VCPIP1: variants seen among roughly 807,000 people sequenced by gnomAD.
The protein encoded by VCPIP1 is deubiquitinating protein VCPIP1.
A neutral mutation model predicts 85.0 loss-of-function variants in VCPIP1; 8 were observed. That is an observed-to-expected ratio of 0.09 (90% CI 0.06 to 0.17). The LOEUF is 0.17. Ranked by LOEUF, VCPIP1 falls within the 10% of genes least tolerant of loss-of-function variation. The pLI is 1.00. For synonymous variants in VCPIP1, 543 were observed against 544.5 expected, an observed-to-expected ratio of 1.00 and a Z score of 0.04; for missense variants, 1,070 against 1,486.3, an observed-to-expected ratio of 0.72 and a Z score of 4.61.
intron 2 of VCPIP1, among the ~76,000 whole-genome samples, chr8:66,638,964 C>CTATATATATA (rs765356671): frequency 7.5e-6 from 1 of 132,560 alleles, no homozygotes; most frequent in African/African-American, 3.4e-5. Context: ...CTCTCTCTCT[C>CTATATATATA]TCTCTCTATA....
At position 66,665,458 on chromosome 8, in the gene VCPIP1, G is replaced by C. The variant is rs750340392; in HGVS notation, c.1501C>G (p.Gln501Glu). 1 of 1,614,242 alleles carries C rather than the reference G, an allele frequency of 6.2e-7. No individual in the cohort carries two copies. Among genetic ancestry groups the C allele is most frequent in the Admixed American group, 1.7e-5 (1 of 60,028 alleles). The change falls in exon 1 of 3, where the codon CAG becomes GAG. Residue 501 changes from glutamine to glutamate, a missense_variant. By Grantham distance (29) the Gln-to-Glu change is conservative. Coordinates refer to ENST00000310421, the MANE Select transcript of VCPIP1 (RefSeq NM_025054.5). The surrounding 1 kb of genome is among the most constrained non-coding windows in gnomAD (Gnocchi z 4.3). ...CTGTAATTTTTGTCAGTCCTCAGCT[G>C]TCCATGAGTACTTTTTGCCAGGTTA... is the stretch of plus-strand genomic sequence containing the variant. Reference protein sequence around the residue: ...LYNLAKSTHGQLRTDKNYSFP... With the variant: ...LYNLAKSTHGELRTDKNYSFP...
At chr8:66,649,147 G>T (rs922000777) in intron 2 of VCPIP1, among the ~76,000 whole-genome samples, 2 of 152,006 alleles carry the variant, frequency 1.3e-5, no homozygotes, top group Non-Finnish European at 2.9e-5. Context: ...TCCAGCCTGG[G>T]CAACAGAGCA....
intron 1 of VCPIP1, chr8:66,653,724 AGT>A (rs1490452616): frequency 6.6e-6 from 1 of 152,216 alleles, no homozygotes; most frequent in Non-Finnish European, 1.5e-5. Context: ...ACTCTACTGC[AGT>A]GTTTGTCAAC....
At chr8:66,659,194 A>G (rs894245493) in intron 1 of VCPIP1, among the ~76,000 whole-genome samples, 8 of 148,932 alleles carry the variant, frequency 5.4e-5, no homozygotes, top group African/African-American at 2.1e-4. Context: ...ACTGATCTAC[A>G]AGAAATTTTT....
In VCPIP1 at chr8:66,632,035, T is replaced by A. The variant is rs1438200387; in HGVS notation, c.*2466A>T. 1 of 149,348 alleles carries A rather than the reference T, an allele frequency of 6.7e-6. No homozygotes were observed. Among genetic ancestry groups the A allele is most frequent in the Non-Finnish European group, 1.5e-5 (1 of 67,386 alleles). The allele number at this position is 149,348 out of a possible 1,614,324, so 9.3% of individuals were successfully genotyped here. A position where few individuals can be genotyped will look rare whatever the true frequency, so the allele number is the denominator to read the frequency against. On this transcript the variant is annotated 3_prime_UTR_variant, in exon 3 of 3. Transcript: ENST00000310421. ...AGCACTGCAAACAGAATTGCAGGAA[T>A]GCATTTTAGTTATAATGTTACCTCT... is the stretch of plus-strand genomic sequence containing the variant.
intron 1 of VCPIP1, among the ~76,000 whole-genome samples, chr8:66,655,466 A>G (rs1586627746): frequency 6.6e-6 from 1 of 152,232 alleles, no homozygotes; most frequent in Non-Finnish European, 1.5e-5. Context: ...CTAAGAACCC[A>G]TAACTGTATT....
At chr8:66,640,647 C>T (rs1222031954) in intron 2 of VCPIP1, among the ~76,000 whole-genome samples, 3 of 152,080 alleles carry the variant, frequency 2.0e-5, no homozygotes, top group South Asian at 2.1e-4. Flanking sequence ...TGGCAGAGAA[C>T]GAGAGAAGAG....
Position 66,665,843 on chromosome 8 carries a change from A to G in VCPIP1, c.1116T>C (p.Asn372=). 6.2e-7 allele frequency: 1 copy of G among 1,614,190 alleles called. No individual in the cohort carries two copies. Among genetic ancestry groups the G allele is most frequent in the South Asian group, 1.1e-5 (1 of 91,086 alleles). ...KGAALPKLPM[N]LLPKAWGVPQ... ...GCACACCCCATGCTTTAGGAAGCAAATTCATAGGCAGTTTGGGCAAAGCAG... is the reference window on the plus strand; with the variant it reads ...GCACACCCCATGCTTTAGGAAGCAAGTTCATAGGCAGTTTGGGCAAAGCAG... The change falls in exon 1 of 3, where the codon AAT becomes AAC. Residue 372 remains asparagine, a synonymous_variant. Transcript: ENST00000310421. This position sits in a 1 kb window ranked among gnomAD's most constrained non-coding sequence, Gnocchi z 4.3.
chr8:66,651,640 A>G (rs949630296), intron 1 of VCPIP1, 96 bp from the exon 2 acceptor site: 4 of 922,088 alleles, frequency 4.3e-6, no homozygotes, highest in African/African-American at 3.3e-5. Flanking sequence ...ACATCAAGGC[A>G]GAGCTCCTAA....
At position 66,634,986 on chromosome 8, in the gene VCPIP1, T is replaced by C. The variant is rs1386368340; in HGVS notation, c.3184A>G (p.Asn1062Asp). 6.2e-7 allele frequency: 1 copy of C among 1,613,558 alleles called. No individual in the cohort carries two copies. Among genetic ancestry groups the C allele is most frequent in the Non-Finnish European group, 8.5e-7 (1 of 1,179,514 alleles). ...RKHNTGTDFS[N>D]SSTKTEPSVF... ...GAAGGCTCTGTTTTAGTGGAACTAT[T>C]ACTAAAGTCTGTCCCTGTATTATGC... Residue 1062 changes from asparagine (N) to aspartate (D), a missense_variant, in exon 3 of 3, where the codon AAT becomes GAT. Physicochemically the swap from Asn to Asp is conservative, Grantham distance 23. Around this residue, in one of 8 missense-constraint regions of VCPIP1, gnomAD observed 255 missense variants for 289.5 expected, o/e 0.88. Transcript: ENST00000310421.
intron 2 of VCPIP1, among the ~76,000 whole-genome samples, chr8:66,648,404 T>TATCTA (rs199836576): frequency 6.6e-6 from 1 of 152,188 alleles, no homozygotes; most frequent in Non-Finnish European, 1.5e-5. Context: ...TCTGTCTATC[T>TATCTA]ATCTAATCTA....
At chr8:66,640,522 G>A (rs1050980807) in intron 2 of VCPIP1, among the ~76,000 whole-genome samples, 4 of 152,174 alleles carry the variant, frequency 2.6e-5, no homozygotes, top group East Asian at 1.9e-4. Flanking sequence ...CTGGACCCGC[G>A]GCCCAAAGTG....
At chr8:66,660,392 G>A (rs892969942) in intron 1 of VCPIP1, among the ~76,000 whole-genome samples, 1 of 152,162 alleles carries the variant, frequency 6.6e-6, no homozygotes, top group Non-Finnish European at 1.5e-5. Context: ...GATAGATGCC[G>A]TGAGGGACAT....
chr8:66,641,151 T>C (rs1211510980), intron 2 of VCPIP1, among the ~76,000 whole-genome samples: 1 of 152,166 alleles, frequency 6.6e-6, no homozygotes, highest in Admixed American at 6.5e-5. Flanking sequence ...GCCTGTCCCA[T>C]GAAGGGTTGA....
At position 66,630,033 on chromosome 8, in the gene VCPIP1, T is replaced by G. The variant is rs1233433381; in HGVS notation, c.*4468A>C. 1 of 152,140 alleles carries G rather than the reference T, an allele frequency of 6.6e-6. No individual in the cohort carries two copies. The highest frequency in any genetic ancestry group is 1.5e-5 in the Non-Finnish European group (1 of 68,006). The allele number at this position is 152,140 out of a possible 1,614,324, so 9.4% of individuals were successfully genotyped here. ...TTCATGCATTATAATTCCAGGAAAC[T>G]AAAGAACATAAAATTACCTTTAAAA... On this transcript the variant is annotated 3_prime_UTR_variant, in exon 3 of 3. Transcript: ENST00000310421.
intron 2 of VCPIP1, among the ~76,000 whole-genome samples, chr8:66,637,850 T>C (rs1277866241): frequency 6.6e-6 from 1 of 151,992 alleles, no homozygotes; most frequent in Non-Finnish European, 1.5e-5. Flanking sequence ...CAGGCACCTA[T>C]AGTCCCAGCT....
rs1810805738 is a variant in VCPIP1, at chr8:66,628,830, C to T, written c.*5671G>A. ...CAAGTAAGACTATGACGACAATGGT[C>T]GGCAGAACAAAAGGTTGACAATTGT... On this transcript the variant is annotated 3_prime_UTR_variant, in exon 3 of 3. Transcript: ENST00000310421. The T allele has an allele frequency of 6.6e-6, 1 of 152,088 alleles. No individual in the cohort carries two copies. Among genetic ancestry groups the T allele is most frequent in the South Asian group, 2.1e-4 (1 of 4,830 alleles). The allele number at this position is 152,088 out of a possible 1,614,324, so 9.4% of individuals were successfully genotyped here. A position where few individuals can be genotyped will look rare whatever the true frequency, so the allele number is the denominator to read the frequency against.
intron 2 of VCPIP1, among the ~76,000 whole-genome samples, chr8:66,641,021 C>T (rs1423897859): frequency 6.6e-5 from 10 of 152,234 alleles, no homozygotes; most frequent in Admixed American, 6.5e-4. Flanking sequence ...CACATGCCCT[C>T]TGGGGCCCTG....
In VCPIP1 at chr8:66,665,702, T is replaced by C; in HGVS notation, c.1257A>G (p.Glu419=). 6.2e-7 allele frequency: 1 copy of C among 1,614,156 alleles called. No individual in the cohort carries two copies. Among genetic ancestry groups the C allele is most frequent in the Admixed American group, 1.7e-5 (1 of 60,006 alleles). The change falls in exon 1 of 3, where the codon GAA becomes GAG. Residue 419 remains glutamate (E), a synonymous_variant. Transcript: ENST00000310421. The surrounding 1 kb of genome is among the most constrained non-coding windows in gnomAD (Gnocchi z 4.3). ...YLLRLVAAME[E]VFMDKHGIHP... Reference sequence around the variant, plus strand: ...GGATACCATGTTTGTCCATAAAGACTTCTTCCATAGCAGCAACAAGCCTAA... The same window carrying C: ...GGATACCATGTTTGTCCATAAAGACCTCTTCCATAGCAGCAACAAGCCTAA...
Sources: allele counts gnomAD v4.1 joint callset (sites outside exome capture counted in the v4.1 genomes callset), GRCh38; gene constraint gnomAD v4.1.1; regional missense constraint gnomAD v4.1.1; non-coding constraint Gnocchi (gnomAD v3.1); transcripts MANE v1.5; gene names NCBI Gene and HGNC (gene_info 2026-07-23, HGNC 2026-07-21).